IRS1: variants seen among roughly 807,000 people sequenced by gnomAD.
The protein encoded by IRS1 is insulin receptor substrate 1.
Under a neutral mutation model 65.6 loss-of-function variants are expected in IRS1, and 34 were observed. The observed-to-expected ratio is 0.52, with a 90% CI of 0.39 to 0.69. IRS1 has a LOEUF of 0.69. Ranked by LOEUF, IRS1 falls within the 30% of genes least tolerant of loss-of-function variation. IRS1 has a pLI of 0.00. For synonymous variants in IRS1, 699 were observed against 683.5 expected (o/e 1.02, Z -0.35); for missense variants, 1,641 against 1,720.2 (o/e 0.95, Z 0.81).
Position 226,797,598 on chromosome 2 carries a change from G to T in IRS1, c.1141C>A (p.Arg381Ser). Residue 381 changes from arginine to serine, a missense_variant, in exon 1 of 2, where the codon CGC becomes AGC. Physicochemically the swap from Arg to Ser is moderately radical, Grantham distance 110. Around this residue, in one of 3 missense-constraint regions of IRS1, gnomAD observed 1,324 missense variants for 1,361.0 expected, o/e 0.97. Transcript: ENST00000305123. The surrounding 1 kb of genome is among the most constrained non-coding windows in gnomAD (Gnocchi z 8.1). ...GGGCTGGTGGCCGAAGGCGAGCAGC[G>T]GGAAGCCGGCATGGGGATGGAGCGG... is the stretch of plus-strand genomic sequence containing the variant. ...HSRSIPMPASRCSPSATSPVS... is the reference protein window; with the variant it reads ...HSRSIPMPASSCSPSATSPVS... 2 of 1,589,132 alleles carry T rather than the reference G, an allele frequency of 1.3e-6. No homozygotes were observed. The highest frequency in any genetic ancestry group is 1.1e-5 in the South Asian group (1 of 87,752).
intron 1 of IRS1, among the ~76,000 whole-genome samples, chr2:226,786,038 C>T (rs1322835588): frequency 6.7e-6 from 1 of 150,214 alleles, no homozygotes; most frequent in African/African-American, 2.5e-5. Flanking sequence ...ATGATGATTT[C>T]CAATCTCATC....
chr2:226,774,522 T>TA (rs918994167), intron 1 of IRS1, among the ~76,000 whole-genome samples: 3 of 151,334 alleles, frequency 2.0e-5, no homozygotes, highest in Non-Finnish European at 2.9e-5. Context: ...GAAAATGATG[T>TA]AAAAAAAACA....
chr2:226,744,118 C>G (rs945533173), intron 1 of IRS1, among the ~76,000 whole-genome samples: 5 of 152,106 alleles, frequency 3.3e-5, no homozygotes, highest in Non-Finnish European at 5.9e-5. Context: ...CATAGACAAC[C>G]CTGGTCTGCA....
In IRS1 at chr2:226,795,942, C is replaced by T. The variant is rs755929423; in HGVS notation, c.2797G>A (p.Glu933Lys). 1 of 1,613,978 alleles carries T rather than the reference C, an allele frequency of 6.2e-7. No homozygotes were observed. The highest frequency in any genetic ancestry group is 1.3e-5 in the African/African-American group (1 of 74,956). ...CPSQLQPAPR[E>K]EETGTEEYMK... is the part of the protein sequence containing the mutation. ...TACTCCTCAGTGCCAGTCTCTTCCT[C>T]TCTGGGAGCTGGCTGGAGCTGGGAT... Residue 933 changes from glutamate (E) to lysine (K), a missense_variant, in exon 1 of 2, where the codon GAG becomes AAG. Physicochemically the swap from Glu to Lys is moderately conservative, Grantham distance 56 (BLOSUM62 1). Around this residue, in one of 3 missense-constraint regions of IRS1, gnomAD observed 1,324 missense variants for 1,361.0 expected, o/e 0.97. Coordinates refer to ENST00000305123, the MANE Select transcript of IRS1 (RefSeq NM_005544.3).
intron 1 of IRS1, among the ~76,000 whole-genome samples, chr2:226,779,607 T>C (rs1395461775): frequency 6.6e-6 from 1 of 152,244 alleles, no homozygotes; most frequent in Non-Finnish European, 1.5e-5. Flanking sequence ...TAAAATAAAA[T>C]AGAACTAATT....
intron 1 of IRS1, among the ~76,000 whole-genome samples, chr2:226,739,497 T>TAA (rs1365030470): frequency 2.0e-4 from 30 of 152,212 alleles, no homozygotes; most frequent in Non-Finnish European, 4.0e-4. Context: ...AGGACACGTT[T>TAA]GATCTTTGGA....
intron 1 of IRS1, among the ~76,000 whole-genome samples, chr2:226,758,876 A>T (rs1258932936): frequency 6.6e-6 from 1 of 152,174 alleles, no homozygotes; most frequent in Non-Finnish European, 1.5e-5. Flanking sequence ...GAAATTTGTG[A>T]TGCTCTACAG....
chr2:226,788,874 T>C (rs1285742019), intron 1 of IRS1, among the ~76,000 whole-genome samples: 1 of 152,202 alleles, frequency 6.6e-6, no homozygotes, highest in Non-Finnish European at 1.5e-5. Context: ...GCTGCATAGC[T>C]ATGGACTAAT....
At chr2:226,753,711 G>C (rs1938734467) in intron 1 of IRS1, among the ~76,000 whole-genome samples, 1 of 152,196 alleles carries the variant, frequency 6.6e-6, no homozygotes, top group Admixed American at 6.5e-5. Flanking sequence ...AGTAATTTCA[G>C]CCAAATCAAA....
At chr2:226,740,054 A>G (rs894726411) in intron 1 of IRS1, among the ~76,000 whole-genome samples, 1 of 152,246 alleles carries the variant, frequency 6.6e-6, no homozygotes, top group African/African-American at 2.4e-5. Context: ...TACAAATGCA[A>G]AAATTCATTT....
At chr2:226,740,223 A>C in intron 1 of IRS1, among the ~76,000 whole-genome samples, 1 of 152,278 alleles carries the variant, frequency 6.6e-6, no homozygotes, top group East Asian at 1.9e-4. Context: ...CACGAGATTT[A>C]GTAGCAGGAA....
chr2:226,796,015 G>A lies in IRS1; in HGVS notation c.2724C>T (p.Tyr908=). 6.2e-7 allele frequency: 1 copy of A among 1,614,162 alleles called. No individual in the cohort carries two copies. The highest frequency in any genetic ancestry group is 1.1e-5 in the South Asian group (1 of 91,090). ...TGTGGAAAGCCACCGGGCCAGACAA[G>A]TAGCCAGACTGATCACTCCCAAATT... ...NIEFGSDQSG[Y]LSGPVAFHSS... The change falls in exon 1 of 2, where the codon TAC becomes TAT. Residue 908 remains tyrosine, a synonymous_variant. Transcript: ENST00000305123.
At chr2:226,763,825 A>G (rs1287828447) in intron 1 of IRS1, among the ~76,000 whole-genome samples, 1 of 152,166 alleles carries the variant, frequency 6.6e-6, no homozygotes, top group Non-Finnish European at 1.5e-5. Context: ...CTGACTTTTG[A>G]ATCAAATTTC....
At chr2:226,757,765 A>T (rs1000603902) in intron 1 of IRS1, among the ~76,000 whole-genome samples, 2 of 152,224 alleles carry the variant, frequency 1.3e-5, no homozygotes, top group African/African-American at 4.8e-5. Context: ...TACTGCATTA[A>T]AATTTTCCCT....
intron 1 of IRS1, among the ~76,000 whole-genome samples, chr2:226,766,278 C>T (rs1939047360): frequency 6.8e-6 from 1 of 148,010 alleles, no homozygotes. Flanking sequence ...ATTCTTGTGC[C>T]TTAGCCTCCT....
intron 1 of IRS1, among the ~76,000 whole-genome samples, chr2:226,762,939 C>G (rs191998544): frequency 6.6e-6 from 1 of 152,210 alleles, no homozygotes; most frequent in Non-Finnish European, 1.5e-5. Context: ...AGAGCGTTAA[C>G]AGGCGTGCAT....
rs1938647241 is a variant in IRS1 at position 226,750,208 on chromosome 2, C to A, written c.*22-13958G>T. Among the ~76,000 whole-genome samples the A allele has an allele frequency of 4.2e-5, 6 of 143,956 alleles. No individual in the cohort carries two copies. The South Asian group carries it at 1.3e-3, about 31-fold the overall frequency. 94.4% of individuals were successfully genotyped at this position (143,956 alleles called of 152,430 possible). ...AGGTTGCAGTGAGCCAAGGTCACGC[C>A]ATTGCATTCCAGCCTGGGCAACAAG... is the stretch of plus-strand genomic sequence containing the variant. On this transcript the variant is annotated intron_variant, in intron 1 of 1. Coordinates refer to ENST00000305123, the MANE Select transcript of IRS1 (RefSeq NM_005544.3).
At chr2:226,791,821 C>T (rs1295831242) in intron 1 of IRS1, among the ~76,000 whole-genome samples, 4 of 152,006 alleles carry the variant, frequency 2.6e-5, no homozygotes, top group Non-Finnish European at 4.4e-5. Context: ...GCGCCGACCA[C>T]GCGGCCCGGG....
chr2:226,778,548 A>C (rs1054464657), intron 1 of IRS1, among the ~76,000 whole-genome samples: 2 of 152,366 alleles, frequency 1.3e-5, no homozygotes, highest in African/African-American at 4.8e-5. Flanking sequence ...ATTTAAAAAA[A>C]AAAAACTTTT....
Sources: gnomAD v4.1 joint callset for allele counts (sites outside exome capture counted in the v4.1 genomes callset) on GRCh38, gnomAD v4.1.1 for gene constraint, gnomAD v4.1.1 regional missense constraint, Gnocchi (gnomAD v3.1) non-coding constraint, MANE v1.5 for transcripts, NCBI Gene and HGNC (gene_info 2026-07-23, HGNC 2026-07-21) for gene names.